Variants in CDH10 observed in about 807,000 individuals in gnomAD.
CDH10 encodes cadherin-10.
In CDH10, 30 loss-of-function variants were observed where a neutral mutation model predicts 73.1. The ratio of observed to expected loss-of-function variants is 0.41; its 90% CI spans 0.31 to 0.56. The LOEUF (loss-of-function observed/expected upper bound fraction) is 0.56. Among genes scored for constraint, CDH10 ranks in the 20% least tolerant of loss-of-function variants. The pLI is 0.27. For missense variants in CDH10, 815 were observed against 973.7 expected (o/e 0.84, Z 2.17); for synonymous variants, 345 against 348.2 (o/e 0.99, Z 0.10).
At chr5:24,523,642 G>T (rs1354585019) in intron 5 of CDH10, among the ~76,000 whole-genome samples, 1 of 152,072 alleles carries the variant, frequency 6.6e-6, no homozygotes, top group Non-Finnish European at 1.5e-5. Flanking sequence ...TTAGGCACAT[G>T]CTTAGAATCT....
At chr5:24,595,388 G>C (rs1746338095) in intron 1 of CDH10, among the ~76,000 whole-genome samples, 1 of 151,884 alleles carries the variant, frequency 6.6e-6, no homozygotes, top group South Asian at 2.1e-4. Context: ...GTGAAGCAGT[G>C]CCTCCCTTGA....
intron 1 of CDH10, among the ~76,000 whole-genome samples, chr5:24,619,836 G>C (rs1329430462): frequency 6.6e-6 from 1 of 152,138 alleles, no homozygotes; most frequent in East Asian, 1.9e-4. Flanking sequence ...CAAGGAGGAG[G>C]AGCTGTCTCT....
intron 2 of CDH10, chr5:24,578,457 G>A (rs566316778): frequency 2.8e-6 from 1 of 357,642 alleles, no homozygotes; most frequent in Non-Finnish European, 5.7e-6. Flanking sequence ...TAATAGTCTG[G>A]TTTAAGAATC....
chr5:24,635,956 CA>C (rs779384106), intron 1 of CDH10, among the ~76,000 whole-genome samples: 19 of 151,728 alleles, frequency 1.3e-4, no homozygotes, highest in Non-Finnish European at 2.8e-4. Context: ...TTTCTCACTT[CA>C]AGTACAAAAT....
intron 2 of CDH10, chr5:24,578,518 C>T (rs1209119810): frequency 3.0e-6 from 1 of 336,024 alleles, no homozygotes; most frequent in East Asian, 8.3e-5. Flanking sequence ...CTGCTATACT[C>T]TGATCCATTA....
chr5:24,500,862 C>T (rs892197490), intron 8 of CDH10, among the ~76,000 whole-genome samples: 1 of 152,082 alleles, frequency 6.6e-6, no homozygotes, highest in African/African-American at 2.4e-5. Flanking sequence ...ATTAATTAGC[C>T]TTTCTACCAT....
intron 5 of CDH10, among the ~76,000 whole-genome samples, chr5:24,518,821 A>C (rs1579750363): frequency 6.6e-6 from 1 of 151,472 alleles, no homozygotes; most frequent in African/African-American, 2.4e-5. Context: ...GAAGGATTAC[A>C]GTGAGATGGT....
intron 2 of CDH10, among the ~76,000 whole-genome samples, chr5:24,553,123 C>T (rs1488632685): frequency 6.6e-6 from 1 of 152,104 alleles, no homozygotes; most frequent in African/African-American, 2.4e-5. Flanking sequence ...ATTGAACCGA[C>T]CATTTCATTA....
intron 2 of CDH10, among the ~76,000 whole-genome samples, chr5:24,580,029 C>A (rs1392389019): frequency 6.6e-6 from 1 of 152,080 alleles, no homozygotes; most frequent in Non-Finnish European, 1.5e-5. Context: ...GTTGCTAAGG[C>A]CAAAATCTTT....
intron 9 of CDH10, among the ~76,000 whole-genome samples, chr5:24,495,572 G>T (rs1742243287): frequency 6.6e-6 from 1 of 152,068 alleles, no homozygotes; most frequent in African/African-American, 2.4e-5. Flanking sequence ...CTTTTGGCCA[G>T]GCGCCGTGGC....
chr5:24,545,827 A>G (rs2111929372), intron 2 of CDH10, among the ~76,000 whole-genome samples: 1 of 152,196 alleles, frequency 6.6e-6, no homozygotes, highest in East Asian at 1.9e-4. Context: ...AGAAAATAAA[A>G]AAAGGAAATA....
At chr5:24,537,890 G>GA (rs1195655511) in intron 2 of CDH10, among the ~76,000 whole-genome samples, 6 of 151,762 alleles carry the variant, frequency 4.0e-5, no homozygotes, top group Non-Finnish European at 7.4e-5. Context: ...TATTCTAAAT[G>GA]AAAAAAATGT....
intron 8 of CDH10, among the ~76,000 whole-genome samples, chr5:24,502,726 G>A (rs1742543727): frequency 6.6e-6 from 1 of 152,128 alleles, no homozygotes; most frequent in Non-Finnish European, 1.5e-5. Flanking sequence ...ATCTGTAAGG[G>A]AAAATGCAAT....
intron 1 of CDH10, among the ~76,000 whole-genome samples, chr5:24,603,394 C>A (rs895749540): frequency 6.6e-6 from 1 of 152,056 alleles, no homozygotes; most frequent in Non-Finnish European, 1.5e-5. Context: ...AACAACAAAA[C>A]AAAATTGAAA....
At chr5:24,491,141 A>G (rs768812138) in intron 11 of CDH10, among the ~76,000 whole-genome samples, 1 of 152,100 alleles carries the variant, frequency 6.6e-6, no homozygotes, top group Non-Finnish European at 1.5e-5. Context: ...GTCTCCTTTC[A>G]TTTGTTCACT....
chr5:24,644,062 C>G (rs573031887), intron 1 of CDH10, among the ~76,000 whole-genome samples: 1 of 152,184 alleles, frequency 6.6e-6, no homozygotes, highest in Admixed American at 6.5e-5. Flanking sequence ...TATGTAGATG[C>G]TTAGTGACCA....
At chr5:24,566,701 AC>A (rs137858549) in intron 2 of CDH10, among the ~76,000 whole-genome samples, 2,198 of 152,250 alleles carry the variant, frequency 0.014, 57 homozygotes, top group African/African-American at 0.05. Flanking sequence ...TATGCTATAT[AC>A]AAAAATATAT....
intron 2 of CDH10, among the ~76,000 whole-genome samples, chr5:24,575,269 T>C (rs1745555012): frequency 1.7e-5 from 1 of 60,300 alleles, no homozygotes; most frequent in South Asian, 7.5e-4. Flanking sequence ...GGCTGAGGCA[T>C]GAGAATCGCT....
At chr5:24,502,158 G>A (rs1484481148) in intron 8 of CDH10, among the ~76,000 whole-genome samples, 1 of 152,032 alleles carries the variant, frequency 6.6e-6, no homozygotes, top group East Asian at 1.9e-4. Flanking sequence ...ACCTGACCTC[G>A]TGATCCGCCC....
Sources: allele counts gnomAD v4.1 joint callset (sites outside exome capture counted in the v4.1 genomes callset), GRCh38; gene constraint gnomAD v4.1.1; transcripts MANE v1.5; gene names NCBI Gene and HGNC (gene_info 2026-07-23, HGNC 2026-07-21).